SH3BP5: variants seen among roughly 807,000 people sequenced by gnomAD.
SH3BP5 encodes SH3 domain binding protein 5.
A neutral mutation model predicts 43.3 loss-of-function variants in SH3BP5; 22 were observed. The observed-to-expected ratio is 0.51, with a 90% CI of 0.36 to 0.73. The LOEUF is 0.73. SH3BP5 is among the 30% of genes least tolerant of loss of function. SH3BP5 has a pLI of 0.00. For missense variants in SH3BP5, 529 were observed against 586.9 expected, an observed-to-expected ratio of 0.90 and a Z score of 1.02; for synonymous variants, 255 against 225.8, an observed-to-expected ratio of 1.13 and a Z score of -1.16.
chr3:15,333,435 G>A (rs530684361), upstream of SH3BP5, among the ~76,000 whole-genome samples: 1 of 152,222 alleles, frequency 6.6e-6, no homozygotes, highest in Non-Finnish European at 1.5e-5. Flanking sequence ...GTAGCCCATC[G>A]GCTCTGAGTT....
chr3:15,256,576 T>G (rs115314083), intron 8 of SH3BP5: 10 of 593,138 alleles, frequency 1.7e-5, no homozygotes, highest in Admixed American at 9.4e-5. Flanking sequence ...ACTTTATTGC[T>G]GAGAAACAAA....
At chr3:15,307,757 A>G (rs1194938521) in intron 2 of SH3BP5, among the ~76,000 whole-genome samples, 2 of 152,254 alleles carry the variant, frequency 1.3e-5, no homozygotes, top group African/African-American at 2.4e-5. Flanking sequence ...ATGCACTCGC[A>G]TGCATGACCG....
chr3:15,335,952 T>C (rs1162579301), upstream of SH3BP5, among the ~76,000 whole-genome samples: 1 of 152,102 alleles, frequency 6.6e-6, no homozygotes, highest in Non-Finnish European at 1.5e-5. Context: ...GATTGTTTTG[T>C]GGAATTTAAA....
rs902489939 is a variant in SH3BP5 at position 15,255,122 on chromosome 3, T to TAACTA, written c.*959_*963dup. The TAACTA allele has an allele frequency of 1.3e-5, 2 of 152,658 alleles. No homozygotes were observed. Among genetic ancestry groups the TAACTA allele is most frequent in the African/African-American group, 4.8e-5 (2 of 41,454 alleles). The allele number at this position is 152,658 out of a possible 1,614,324, so 9.5% of individuals were successfully genotyped here. On this transcript the variant is annotated 3_prime_UTR_variant, in exon 9 of 9. Coordinates refer to ENST00000383791, the MANE Select transcript of SH3BP5 (RefSeq NM_004844.5). The stretch of plus-strand genomic sequence containing the variant: ...GTTAAAGAAAAGCAGTCTTAACACT[T>TAACTA]AACTACTATTAACAGCCTTTGCCAA...
chr3:15,311,810 A>G (rs578202619), intron 2 of SH3BP5, among the ~76,000 whole-genome samples: 28 of 152,024 alleles, frequency 1.8e-4, no homozygotes, highest in Non-Finnish European at 3.4e-4. Flanking sequence ...AGTAGCCGGG[A>G]CTAGAGGCAC....
chr3:15,316,961 C>T (rs1320920918), intron 2 of SH3BP5, among the ~76,000 whole-genome samples: 1 of 152,228 alleles, frequency 6.6e-6, no homozygotes, highest in Non-Finnish European at 1.5e-5. Flanking sequence ...TTCTTAAATC[C>T]ACAGGATTCT....
chr3:15,315,871 G>C (rs78188176), intron 2 of SH3BP5, among the ~76,000 whole-genome samples: 4,242 of 152,294 alleles, frequency 0.028, 73 homozygotes, highest in South Asian at 0.08. Context: ...GAAAGATGCA[G>C]ACACCATGCC....
At chr3:15,268,434 T>C (rs1053056232) in intron 4 of SH3BP5, among the ~76,000 whole-genome samples, 2 of 152,098 alleles carry the variant, frequency 1.3e-5, no homozygotes, top group African/African-American at 2.4e-5. Context: ...CAGGGTCTTA[T>C]TGGAGCTGCT....
In SH3BP5 at chr3:15,259,148, A is replaced by T; in HGVS notation, c.670-98T>A. On this transcript the variant is annotated intron_variant, in intron 6 of 8. Transcript: ENST00000383791. The stretch of plus-strand genomic sequence containing the variant: ...AAGTACATTTTCTGCCCATCATTCT[A>T]CTTCAAGGAATTTTCCAAGACATGA... The T allele has an allele frequency of 4.2e-6, 4 of 953,422 alleles. No individual in the cohort carries two copies. The Middle Eastern group carries it at 6.7e-4, about 159-fold the overall frequency. The allele number at this position is 953,422 out of a possible 1,614,324, so 59.1% of individuals were successfully genotyped here. A position where few individuals can be genotyped will look rare whatever the true frequency, so the allele number is the denominator to read the frequency against.
chr3:15,311,462 A>G (rs939896536), intron 2 of SH3BP5, among the ~76,000 whole-genome samples: 5 of 152,042 alleles, frequency 3.3e-5, no homozygotes, highest in African/African-American at 1.2e-4. Flanking sequence ...CGGGAGGCTG[A>G]GGCAGGAGAA....
intron 2 of SH3BP5, among the ~76,000 whole-genome samples, chr3:15,316,219 C>CCTT (rs1698180788): frequency 1.2e-5 from 1 of 81,686 alleles, no homozygotes; most frequent in Non-Finnish European, 2.2e-5. Flanking sequence ...AAAAGACTCG[C>CCTT]TTTTTTTTTT....
intron 2 of SH3BP5, among the ~76,000 whole-genome samples, chr3:15,304,675 C>T (rs1481321845): frequency 1.3e-5 from 2 of 151,934 alleles, no homozygotes; most frequent in Non-Finnish European, 2.9e-5. Context: ...ATTAGCCAGG[C>T]GTGGTAGCAG....
intron 3 of SH3BP5, among the ~76,000 whole-genome samples, chr3:15,276,213 C>T (rs1195153293): frequency 6.6e-6 from 1 of 152,150 alleles, no homozygotes; most frequent in African/African-American, 2.4e-5. Flanking sequence ...TCAACTTCCA[C>T]TGTTGCCCAC....
At chr3:15,308,930 A>G (rs768276486) in intron 2 of SH3BP5, among the ~76,000 whole-genome samples, 13 of 152,202 alleles carry the variant, frequency 8.5e-5, no homozygotes, top group Non-Finnish European at 1.3e-4. Context: ...TAAAGAATGC[A>G]TTCTACCACA....
At chr3:15,300,072 T>C (rs187500706) in intron 3 of SH3BP5, among the ~76,000 whole-genome samples, 2 of 152,226 alleles carry the variant, frequency 1.3e-5, no homozygotes, top group Admixed American at 6.5e-5. Context: ...TCTCACATAA[T>C]AATAATGTAA....
Position 15,296,962 on chromosome 3 carries a change from G to A in SH3BP5, c.330+7141C>T, listed in dbSNP as rs528314513. 4.0e-5 allele frequency among the ~76,000 whole-genome samples: 6 copies of A among 151,574 alleles called. No individual in the cohort carries two copies. In the East Asian group the frequency reaches 1.2e-3, roughly 29 times the overall value. ...TCCTCCCACCTCAATCTCCCAAAAT[G>A]CCAGGATTAGAGGCATGAGCCACCA... On this transcript the variant is annotated intron_variant, in intron 3 of 8. Coordinates refer to ENST00000383791, the MANE Select transcript of SH3BP5 (RefSeq NM_004844.5).
chr3:15,310,141 T>C (rs1450175841), intron 2 of SH3BP5, among the ~76,000 whole-genome samples: 1 of 152,208 alleles, frequency 6.6e-6, no homozygotes, highest in Non-Finnish European at 1.5e-5. Context: ...GATTGTTCGA[T>C]GAGCAGGGGC....
At chr3:15,271,009 G>A (rs1482648291) in intron 3 of SH3BP5, among the ~76,000 whole-genome samples, 1 of 149,736 alleles carries the variant, frequency 6.7e-6, no homozygotes, top group Non-Finnish European at 1.5e-5. Flanking sequence ...AAAAAAGAAT[G>A]TTAAATATCT....
At chr3:15,312,546 C>G (rs950119882) in intron 2 of SH3BP5, among the ~76,000 whole-genome samples, 1 of 152,172 alleles carries the variant, frequency 6.6e-6, no homozygotes, top group African/African-American at 2.4e-5. Context: ...CAGGCCTGCT[C>G]TACATAAACC....
Sources: allele counts gnomAD v4.1 joint callset (sites outside exome capture counted in the v4.1 genomes callset), GRCh38; gene constraint gnomAD v4.1.1; transcripts MANE v1.5; gene names NCBI Gene and HGNC (gene_info 2026-07-23, HGNC 2026-07-21).